Variants in ECE2 observed in about 807,000 individuals in gnomAD.
ECE2 encodes the protein endothelin converting enzyme 2.
A neutral mutation model predicts 100.6 loss-of-function variants in ECE2; 81 were observed. That is an observed-to-expected ratio of 0.81 (90% CI 0.67 to 0.97). The LOEUF (loss-of-function observed/expected upper bound fraction) is 0.97, where lower values mean the gene tolerates loss of function less well. ECE2 is among the 50% of genes least tolerant of loss of function. The probability of loss-of-function intolerance (pLI) is 0.00; values close to 1 mark genes in which losing one functional copy is unlikely to be tolerated. For missense variants in ECE2, 911 were observed against 988.1 expected (o/e 0.92, Z 1.05); for synonymous variants, 391 against 391.5 (o/e 1.00, Z 0.02).
At chr3:184,279,197 C>A (rs1016533203) in intron 7 of ECE2, among the ~76,000 whole-genome samples, 11 of 150,716 alleles carry the variant, frequency 7.3e-5, no homozygotes, top group East Asian at 2.0e-4. Context: ...GTAATCCCAA[C>A]TACTCGGGAG....
chr3:184,288,770 T>C (rs1376341829), intron 11 of ECE2, among the ~76,000 whole-genome samples: 1 of 152,232 alleles, frequency 6.6e-6, no homozygotes, highest in Non-Finnish European at 1.5e-5. Flanking sequence ...TAAAAGAACT[T>C]ATCTATGAAT....
intron 4 of ECE2, 131 bp downstream of exon 4, chr3:184,277,597 G>A: frequency 1.9e-6 from 2 of 1,052,088 alleles, no homozygotes; most frequent in East Asian, 5.2e-5. Context: ...CCAGAGGGTG[G>A]GGAGGCAGAG....
At position 184,278,240 on chromosome 3, in the gene ECE2, C is replaced by A; in HGVS notation, c.677C>A (p.Thr226Asn). ...GAGGTGTTGAAGGCAGTAGCAGGGA[C>A]CTACAGGGCCACCCCATTCTTCACC... ...FMEVLKAVAG[T>N]YRATPFFTVY... The change falls in exon 6 of 19, where the codon ACC becomes AAC. Residue 226 changes from threonine (T) to asparagine (N), a missense_variant. Coordinates refer to ENST00000404464, the MANE Select transcript of ECE2 (RefSeq NM_001100121.2). 6.2e-7 allele frequency: 1 copy of A among 1,614,158 alleles called. No homozygotes were observed. The highest frequency in any genetic ancestry group is 8.5e-7 in the Non-Finnish European group (1 of 1,180,028).
In ECE2 at chr3:184,291,334, C is replaced by G; in HGVS notation, c.2026-10C>G. On this transcript the variant is annotated splice_polypyrimidine_tract_variant and intron_variant, in intron 17 of 18. Transcript: ENST00000404464. The surrounding 1 kb of genome is among the most constrained non-coding windows in gnomAD (Gnocchi z 4.1). Reference sequence around the variant, plus strand: ...CTGGATGGGCTTGTTGCCCACTGTTCTGTCCCCAGGCTTACAAAGCATGGC... The same window carrying G: ...CTGGATGGGCTTGTTGCCCACTGTTGTGTCCCCAGGCTTACAAAGCATGGC... 6.2e-7 allele frequency: 1 copy of G among 1,601,866 alleles called. No homozygotes were observed. Among genetic ancestry groups the G allele is most frequent in the South Asian group, 1.1e-5 (1 of 89,104 alleles).
At position 184,277,278 on chromosome 3, in the gene ECE2, A is replaced by C. The variant is rs1560180700; in HGVS notation, c.290A>C (p.Glu97Ala). ...CCATCCCACAGCACCTGCCTTACAG[A>C]GGCCTGCATTCGAGTGGCTGGAAAA... ...RDPSHSTCLT[E>A]ACIRVAGKIL... Residue 97 changes from glutamate (E) to alanine (A), a missense_variant, in exon 4 of 19, where the codon GAG becomes GCG. By Grantham distance (107) the Glu-to-Ala change is moderately radical. Transcript: ENST00000404464. 2.5e-6 allele frequency: 4 copies of C among 1,614,210 alleles called. No individual in the cohort carries two copies. The highest frequency in any genetic ancestry group is 3.4e-6 in the Non-Finnish European group (4 of 1,180,030).
intron 7 of ECE2, among the ~76,000 whole-genome samples, chr3:184,281,818 G>T (rs929497264): frequency 6.6e-6 from 1 of 152,228 alleles, no homozygotes; most frequent in South Asian, 2.1e-4. Context: ...CTAAGAGTAG[G>T]CTGGGTGCAG....
chr3:184,278,402 C>T (rs1365490952), intron 6 of ECE2, 89 bp downstream of exon 6: 7 of 1,579,942 alleles, frequency 4.4e-6, no homozygotes, highest in Non-Finnish European at 6.0e-6. Context: ...GCTGGGCTGA[C>T]CCCCCGGCCC....
At chr3:184,283,282 C>T (rs774129582) in intron 7 of ECE2, among the ~76,000 whole-genome samples, 10 of 151,976 alleles carry the variant, frequency 6.6e-5, no homozygotes, top group South Asian at 2.1e-4. Context: ...TAAACATGGC[C>T]GGGTGCAGTG....
At position 184,291,967 on chromosome 3, in the gene ECE2, G is replaced by A. The variant is rs903858211; in HGVS notation, c.2122-95G>A. 34 of 1,405,086 alleles carry A rather than the reference G, an allele frequency of 2.4e-5. No individual in the cohort carries two copies. The highest frequency in any genetic ancestry group is 4.8e-4 in the Middle Eastern group (2 of 4,176). The allele number at this position is 1,405,086 out of a possible 1,614,324, so 87.0% of individuals were successfully genotyped here. ...GAAGGAACTTGGGAGGGGCTGCAGC[G>A]GTGGTGGTTTGTGCCCCTGGGATGG... On this transcript the variant is annotated intron_variant, in intron 18 of 18. Coordinates refer to ENST00000404464, the MANE Select transcript of ECE2 (RefSeq NM_001100121.2). The surrounding 1 kb of genome is among the most constrained non-coding windows in gnomAD (Gnocchi z 4.1).
chr3:184,280,924 A>T (rs987851521), intron 7 of ECE2, among the ~76,000 whole-genome samples: 2 of 151,730 alleles, frequency 1.3e-5, no homozygotes, highest in African/African-American at 4.8e-5. Context: ...AGTTGCAGTG[A>T]GCTGAGATGG....
intron 10 of ECE2, among the ~76,000 whole-genome samples, chr3:184,286,246 A>G (rs929483370): frequency 3.3e-5 from 5 of 152,122 alleles, no homozygotes; most frequent in African/African-American, 1.2e-4. Flanking sequence ...GTGGCTTTAC[A>G]CACGTTCTGG....
intron 1 of ECE2, 69 bp from the exon 2 acceptor site, chr3:184,276,412 C>T (rs907454096): frequency 1.9e-6 from 3 of 1,548,860 alleles, no homozygotes; most frequent in African/African-American, 1.4e-5. Flanking sequence ...GCAGGGAGCA[C>T]TGGGGCAGGG....
At position 184,278,326 on chromosome 3, in the gene ECE2, G is replaced by A; in HGVS notation, c.750+13G>A. 6.2e-7 allele frequency: 1 copy of A among 1,613,236 alleles called. No individual in the cohort carries two copies. On this transcript the variant is annotated intron_variant, in intron 6 of 18. Coordinates refer to ENST00000404464, the MANE Select transcript of ECE2 (RefSeq NM_001100121.2). ...CAATGTTATCCAGGTGATGAGCTGG[G>A]AAAGGGTGGGGAGAGACTTAGGGAC...
At chr3:184,279,448 G>A (rs568827571) in intron 7 of ECE2, among the ~76,000 whole-genome samples, 2 of 152,094 alleles carry the variant, frequency 1.3e-5, no homozygotes, top group East Asian at 1.9e-4. Flanking sequence ...TTGAGGTTAG[G>A]AGTTCAAGAC....
intron 13 of ECE2, 84 bp from the exon 14 acceptor site, chr3:184,290,171 G>T: frequency 1.8e-6 from 2 of 1,081,132 alleles, no homozygotes; most frequent in Non-Finnish European, 1.4e-6. Flanking sequence ...GGTTTGGAGA[G>T]ATACTAATGA....
Position 184,277,244 on chromosome 3 carries a change from A to G in ECE2, c.263-7A>G. 3 of 1,614,044 alleles carry G rather than the reference A, an allele frequency of 1.9e-6. No homozygotes were observed. Among genetic ancestry groups the G allele is most frequent in the Non-Finnish European group, 2.5e-6 (3 of 1,179,996 alleles). On this transcript the variant is annotated splice_polypyrimidine_tract_variant and splice_region_variant and intron_variant, in intron 3 of 18. Transcript: ENST00000404464. ...CTCCTACCCTCCGGCCATGTTCCCTACCACAGACCCATCCCACAGCACCTG... is the reference window on the plus strand; with the variant it reads ...CTCCTACCCTCCGGCCATGTTCCCTGCCACAGACCCATCCCACAGCACCTG...
In ECE2 at chr3:184,290,369, C is replaced by G; in HGVS notation, c.1655+11C>G. Reference sequence around the variant, plus strand: ...TCCCAGCCGAGACCAGTGAGAATGACGGGGTGGACATAGACACTAGGGGTG... The same window carrying G: ...TCCCAGCCGAGACCAGTGAGAATGAGGGGGTGGACATAGACACTAGGGGTG... On this transcript the variant is annotated intron_variant, in intron 14 of 18. Coordinates refer to ENST00000404464, the MANE Select transcript of ECE2 (RefSeq NM_001100121.2). 1 of 1,611,964 alleles carries G rather than the reference C, an allele frequency of 6.2e-7. No homozygotes were observed.
At chr3:184,286,452 G>C (rs985782238) in intron 10 of ECE2, among the ~76,000 whole-genome samples, 1 of 152,172 alleles carries the variant, frequency 6.6e-6, no homozygotes, top group Non-Finnish European at 1.5e-5. Context: ...CTAAATGGAA[G>C]ATGGAGGGGA....
At chr3:184,277,529 G>C (rs1406476796) in intron 4 of ECE2, 63 bp downstream of exon 4, 1 of 1,546,808 alleles carries the variant, frequency 6.5e-7, no homozygotes. Flanking sequence ...CACAGGGCCT[G>C]GCACTTAGCA....
Sources: gnomAD v4.1 joint callset for allele counts (sites outside exome capture counted in the v4.1 genomes callset) on GRCh38, gnomAD v4.1.1 for gene constraint, Gnocchi (gnomAD v3.1) non-coding constraint, MANE v1.5 for transcripts, NCBI Gene and HGNC (gene_info 2026-07-23, HGNC 2026-07-21) for gene names.